BORCS5: variants seen among roughly 807,000 people sequenced by gnomAD.
The protein encoded by BORCS5 is BLOC-1-related complex subunit 5.
A neutral mutation model predicts 22.1 loss-of-function variants in BORCS5; 17 were observed. That is an observed-to-expected ratio of 0.77 (90% confidence interval 0.53 to 1.15). BORCS5 has a LOEUF of 1.15. Ranked by LOEUF, BORCS5 falls within the 50% of genes most tolerant of loss-of-function variation. The pLI is 0.00. For synonymous variants in BORCS5, 117 were observed against 99.8 expected, an observed-to-expected ratio of 1.17 and a Z score of -1.03; for missense variants, 247 against 253.2, an observed-to-expected ratio of 0.98 and a Z score of 0.17.
intron 2 of BORCS5, among the ~76,000 whole-genome samples, chr12:12,429,321 G>C (rs1360998364): frequency 6.6e-6 from 1 of 152,138 alleles, no homozygotes; most frequent in Non-Finnish European, 1.5e-5. Context: ...GAGGGTGATG[G>C]GAAAACATTG....
intron 2 of BORCS5, among the ~76,000 whole-genome samples, chr12:12,427,009 A>T (rs989687018): frequency 6.6e-6 from 1 of 152,044 alleles, no homozygotes; most frequent in African/African-American, 2.4e-5. Context: ...TGCCCCCTCG[A>T]GGTTAGCACT....
intron 3 of BORCS5, among the ~76,000 whole-genome samples, chr12:12,447,146 A>G (rs11054914): frequency 0.29 from 44,789 of 152,014 alleles, 7,888 homozygotes; most frequent in South Asian, 0.49. Context: ...CTGCCTCTCC[A>G]TCAGATATTG....
rs776299757 is a variant in BORCS5 at position 12,357,273 on chromosome 12, C to G, written c.-179C>G. 45 of 1,457,938 alleles carry G rather than the reference C, an allele frequency of 3.1e-5. No homozygotes were observed. The highest frequency in any genetic ancestry group is 4.0e-5 in the Non-Finnish European group (44 of 1,106,606). The allele number at this position is 1,457,938 out of a possible 1,614,324, so 90.3% of individuals were successfully genotyped here. The stretch of plus-strand genomic sequence containing the variant: ...TGTTCCCCAAATAGGGCCTCTCCTT[C>G]TCCCGCCGCCCAGGCCCCTGCGTGG... On this transcript the variant is annotated 5_prime_UTR_variant, in exon 1 of 4. Transcript: ENST00000314565.
At chr12:12,415,382 A>C in intron 2 of BORCS5, among the ~76,000 whole-genome samples, 1 of 150,978 alleles carries the variant, frequency 6.6e-6, no homozygotes, top group Admixed American at 6.6e-5. Context: ...CCCCGTCTCC[A>C]CCAAAAAAAA....
intron 2 of BORCS5, 130 bp downstream of exon 2, chr12:12,361,479 C>A: frequency 3.0e-6 from 3 of 995,256 alleles, no homozygotes; most frequent in Non-Finnish European, 4.5e-6. Flanking sequence ...GGCATCTTCT[C>A]AGTGAAGCCT....
chr12:12,425,390 CTTTTTAGTTACTT>C (rs56013892), intron 2 of BORCS5, among the ~76,000 whole-genome samples: 46,115 of 151,902 alleles, frequency 0.3, 8,269 homozygotes, highest in African/African-American at 0.52. Flanking sequence ...CCCAAATTCC[CTTTTTAGTTACTT>C]TTTTTAGGAA....
chr12:12,376,542 A>G lies in BORCS5; in HGVS notation c.202+15193A>G, dbSNP rs116918152. On this transcript the variant is annotated intron_variant, in intron 2 of 3. Coordinates refer to ENST00000314565, the MANE Select transcript of BORCS5 (RefSeq NM_058169.6). Reference sequence around the variant, plus strand: ...GCCACTGCACCTGGCCTGCTCTTCAATCTTTTTTAATTGAGGGCTTTTCTC... The same window carrying G: ...GCCACTGCACCTGGCCTGCTCTTCAGTCTTTTTTAATTGAGGGCTTTTCTC... Among the ~76,000 whole-genome samples the G allele has an allele frequency of 9.8e-3, 1,493 of 152,224 alleles. 21 individuals carry two copies. Among genetic ancestry groups the G allele is most frequent in the Non-Finnish European group, 0.017 (1,123 of 68,010 alleles).
In BORCS5 at chr12:12,469,602, T is replaced by G. The variant is rs1943257258; in HGVS notation, c.*3826T>G. ...TTTGTGTTGATTTGTAGAACTTACT[T>G]AGCTTTGGCATTTCCCCTAGTAATT... On this transcript the variant is annotated 3_prime_UTR_variant, in exon 4 of 4. Transcript: ENST00000314565. The G allele has an allele frequency of 6.6e-6, 1 of 152,242 alleles. No homozygotes were observed. The highest frequency in any genetic ancestry group is 1.5e-5 in the Non-Finnish European group (1 of 68,040). 9.4% of individuals were successfully genotyped at this position (152,242 alleles called of 1,614,324 possible). A position where few individuals can be genotyped will look rare whatever the true frequency, so the allele number is the denominator to read the frequency against.
At chr12:12,404,139 GA>G (rs1324312844) in intron 2 of BORCS5, among the ~76,000 whole-genome samples, 5 of 152,156 alleles carry the variant, frequency 3.3e-5, no homozygotes, top group Non-Finnish European at 7.3e-5. Flanking sequence ...GATGTGAACA[GA>G]ATGTGCGTCT....
chr12:12,383,563 C>T (rs760884837), intron 2 of BORCS5, among the ~76,000 whole-genome samples: 8 of 150,610 alleles, frequency 5.3e-5, no homozygotes, highest in Non-Finnish European at 1.0e-4. Context: ...AATTCACTAG[C>T]AGATTTTCTC....
chr12:12,411,270 G>C (rs190841701), intron 2 of BORCS5, among the ~76,000 whole-genome samples: 2 of 152,264 alleles, frequency 1.3e-5, no homozygotes, highest in African/African-American at 2.4e-5. Context: ...TGTTGAATAG[G>C]AGTGGTGAGA....
At chr12:12,361,085 C>T in intron 1 of BORCS5, 121 bp from the exon 2 acceptor site, 1 of 982,838 alleles carries the variant, frequency 1.0e-6, no homozygotes, top group Non-Finnish European at 1.5e-6. Flanking sequence ...CCACCCCAAC[C>T]CCAACTGCAA....
intron 3 of BORCS5, among the ~76,000 whole-genome samples, chr12:12,461,186 G>A (rs1015312452): frequency 2.0e-5 from 3 of 147,088 alleles, no homozygotes; most frequent in African/African-American, 7.5e-5. Flanking sequence ...TTTTCCCCCT[G>A]GGATAGGGCC....
At chr12:12,410,898 T>G (rs1428224808) in intron 2 of BORCS5, among the ~76,000 whole-genome samples, 1 of 146,140 alleles carries the variant, frequency 6.8e-6, no homozygotes, top group Non-Finnish European at 1.5e-5. Context: ...GTTCTTTTAT[T>G]TTATTGAGCA....
At chr12:12,455,138 C>T (rs771675224) in intron 3 of BORCS5, among the ~76,000 whole-genome samples, 3 of 152,274 alleles carry the variant, frequency 2.0e-5, no homozygotes, top group East Asian at 1.9e-4. Flanking sequence ...AAAGTACTTA[C>T]AATAAAAGAG....
intron 2 of BORCS5, among the ~76,000 whole-genome samples, chr12:12,419,379 CT>C (rs1291396180): frequency 7.2e-5 from 11 of 152,106 alleles, no homozygotes; most frequent in Non-Finnish European, 1.0e-4. Context: ...TGAACTCATC[CT>C]TTTTTATGGC....
intron 2 of BORCS5, among the ~76,000 whole-genome samples, chr12:12,434,225 G>A (rs926151090): frequency 6.9e-6 from 1 of 145,568 alleles, no homozygotes; most frequent in African/African-American, 2.6e-5. Flanking sequence ...CGAGGTTGCA[G>A]TGAGCTAAGA....
chr12:12,423,195 G>T (rs1942185544), intron 2 of BORCS5, among the ~76,000 whole-genome samples: 1 of 151,838 alleles, frequency 6.6e-6, no homozygotes, highest in Admixed American at 6.6e-5. Flanking sequence ...GTAGAGACGG[G>T]GTCCCACCGT....
intron 2 of BORCS5, among the ~76,000 whole-genome samples, chr12:12,414,768 A>C (rs1463960667): frequency 6.7e-5 from 7 of 104,300 alleles, no homozygotes; most frequent in Admixed American, 6.2e-4. Flanking sequence ...TGGCTGCCGG[A>C]CGGAGGGGCT....
Sources: gnomAD v4.1 joint callset for allele counts (sites outside exome capture counted in the v4.1 genomes callset) on GRCh38, gnomAD v4.1.1 for gene constraint, MANE v1.5 for transcripts, NCBI Gene and HGNC (gene_info 2026-07-23, HGNC 2026-07-21) for gene names.